The following RBMS3 variants were observed in gnomAD, a reference collection of about 807,000 sequenced individuals.
The protein encoded by RBMS3 is RNA binding motif single stranded interacting protein 3.
In RBMS3, 27 loss-of-function variants were observed where a neutral mutation model predicts 66.8. The ratio of observed to expected loss-of-function variants is 0.40; its 90% CI spans 0.30 to 0.56. The LOEUF is 0.56. Ranked by LOEUF, RBMS3 falls within the 20% of genes least tolerant of loss-of-function variation. The probability of loss-of-function intolerance (pLI) is 0.40; values close to 1 mark genes in which losing one functional copy is unlikely to be tolerated. For missense variants in RBMS3, 513 were observed against 549.5 expected, an observed-to-expected ratio of 0.93 and a Z score of 0.66; for synonymous variants, 188 against 183.0, an observed-to-expected ratio of 1.03 and a Z score of -0.22.
At chr3:29,768,216 T>C (rs2056017380) in intron 6 of RBMS3, among the ~76,000 whole-genome samples, 1 of 151,926 alleles carries the variant, frequency 6.6e-6, no homozygotes, top group Non-Finnish European at 1.5e-5. Flanking sequence ...CTTTAAAATA[T>C]TATTAGTGAA....
intron 3 of RBMS3, among the ~76,000 whole-genome samples, chr3:29,524,948 T>A (rs1197191578): frequency 6.6e-6 from 1 of 151,990 alleles, no homozygotes; most frequent in Non-Finnish European, 1.5e-5. Flanking sequence ...TCCCAGTTGT[T>A]CAGGGGGCTA....
At chr3:29,637,312 A>C (rs1435856545) in intron 4 of RBMS3, among the ~76,000 whole-genome samples, 1 of 151,800 alleles carries the variant, frequency 6.6e-6, no homozygotes, top group African/African-American at 2.4e-5. Context: ...AGAAACTAAA[A>C]ACCATATAGA....
At chr3:29,976,318 T>G (rs887914887) in intron 12 of RBMS3, among the ~76,000 whole-genome samples, 9 of 152,048 alleles carry the variant, frequency 5.9e-5, no homozygotes, top group African/African-American at 1.9e-4. Context: ...TTTAAGTACT[T>G]TCACTCCCAG....
chr3:29,944,504 A>T (rs188995197), intron 12 of RBMS3, among the ~76,000 whole-genome samples: 23 of 151,894 alleles, frequency 1.5e-4, no homozygotes, highest in Admixed American at 1.4e-3. Flanking sequence ...TTATCTGTCA[A>T]GGATACACAG....
intron 4 of RBMS3, among the ~76,000 whole-genome samples, chr3:29,632,315 C>A (rs1440155765): frequency 6.6e-6 from 1 of 151,828 alleles, no homozygotes; most frequent in African/African-American, 2.4e-5. Flanking sequence ...TGCATTAAAT[C>A]TCTTTTGTCA....
At chr3:29,788,013 TTCTC>T (rs1283647505) in intron 6 of RBMS3, among the ~76,000 whole-genome samples, 1 of 152,104 alleles carries the variant, frequency 6.6e-6, no homozygotes. Flanking sequence ...GAAAAATACT[TTCTC>T]TTTCTTTCCT....
chr3:29,398,632 T>A (rs1349304994), intron 1 of RBMS3, among the ~76,000 whole-genome samples: 1 of 152,202 alleles, frequency 6.6e-6, no homozygotes, highest in Non-Finnish European at 1.5e-5. Flanking sequence ...CACGTGGTCA[T>A]TGACCACCAT....
chr3:29,606,323 C>G (rs2048320897), intron 4 of RBMS3, among the ~76,000 whole-genome samples: 1 of 151,936 alleles, frequency 6.6e-6, no homozygotes, highest in Non-Finnish European at 1.5e-5. Flanking sequence ...TGGATCACTA[C>G]TTGGCTTACA....
At chr3:29,718,011 A>G (rs1300722924) in intron 4 of RBMS3, among the ~76,000 whole-genome samples, 2 of 152,178 alleles carry the variant, frequency 1.3e-5, no homozygotes, top group African/African-American at 4.8e-5. Context: ...GAGGACAATC[A>G]TAAATGACAT....
chr3:29,714,948 G>A (rs2053329181), intron 4 of RBMS3, among the ~76,000 whole-genome samples: 1 of 152,076 alleles, frequency 6.6e-6, no homozygotes. Flanking sequence ...TATTTTCCAT[G>A]TCATCAAACA....
intron 3 of RBMS3, among the ~76,000 whole-genome samples, chr3:29,584,037 G>A (rs931580972): frequency 1.3e-5 from 2 of 152,016 alleles, no homozygotes; most frequent in African/African-American, 4.8e-5. Context: ...CTGCAAAGAG[G>A]CCTGTAAATC....
At chr3:29,746,019 A>C (rs2054877676) in intron 5 of RBMS3, among the ~76,000 whole-genome samples, 1 of 152,010 alleles carries the variant, frequency 6.6e-6, no homozygotes, top group African/African-American at 2.4e-5. Context: ...TTAAAATGTT[A>C]TTTATTTACC....
intron 7 of RBMS3, among the ~76,000 whole-genome samples, chr3:29,874,016 G>A (rs1258867081): frequency 1.3e-5 from 2 of 152,080 alleles, no homozygotes; most frequent in African/African-American, 4.8e-5. Context: ...GTGCTTTTGG[G>A]CATTCTTAGA....
intron 12 of RBMS3, among the ~76,000 whole-genome samples, chr3:29,956,662 C>T (rs1007924976): frequency 6.6e-6 from 1 of 152,114 alleles, no homozygotes; most frequent in Non-Finnish European, 1.5e-5. Flanking sequence ...AAAAGTATCT[C>T]TTCCAGAAAG....
chr3:29,434,761 C>T lies in RBMS3; in HGVS notation c.94C>T (p.Pro32Ser), dbSNP rs753335255. The T allele has an allele frequency of 5.0e-6, 8 of 1,613,712 alleles. No homozygotes were observed. Among genetic ancestry groups the T allele is most frequent in the South Asian group, 2.2e-5 (2 of 91,016 alleles). Reference protein sequence around the residue: ...LQTKQSYAPAPHPMAPPSPST... With the variant: ...LQTKQSYAPASHPMAPPSPST... The stretch of plus-strand genomic sequence containing the variant: ...TTTCCAGCAGTCCTATGCACCAGCT[C>T]CCCACCCCATGGCTCCTCCCAGCCC... The change falls in exon 2 of 15, where the codon CCC (proline) becomes TCC (serine). Residue 32 changes from proline to serine, a missense_variant. Transcript: ENST00000383767.
chr3:29,784,807 G>A (rs1383615558), intron 6 of RBMS3, among the ~76,000 whole-genome samples: 1 of 152,004 alleles, frequency 6.6e-6, no homozygotes, highest in Non-Finnish European at 1.5e-5. Context: ...AAGAAAAGAA[G>A]AGAGCAAATC....
At chr3:29,373,651 C>A (rs2038320256) in intron 1 of RBMS3, among the ~76,000 whole-genome samples, 1 of 152,132 alleles carries the variant, frequency 6.6e-6, no homozygotes, top group Non-Finnish European at 1.5e-5. Flanking sequence ...TGAAACCAAG[C>A]AAACAAGTAG....
chr3:29,705,032 C>G (rs777945070), intron 4 of RBMS3, among the ~76,000 whole-genome samples: 2 of 152,180 alleles, frequency 1.3e-5, no homozygotes, highest in Non-Finnish European at 2.9e-5. Flanking sequence ...TTTCTGGAGT[C>G]AGTTCCCTTG....
At chr3:29,756,545 A>C (rs2149373917) in intron 5 of RBMS3, among the ~76,000 whole-genome samples, 1 of 152,130 alleles carries the variant, frequency 6.6e-6, no homozygotes, top group Middle Eastern at 3.4e-3. Context: ...AGACTTACTC[A>C]CTATCATGAG....
Sources: allele counts gnomAD v4.1 joint callset (sites outside exome capture counted in the v4.1 genomes callset), GRCh38; gene constraint gnomAD v4.1.1; transcripts MANE v1.5; gene names NCBI Gene and HGNC (gene_info 2026-07-23, HGNC 2026-07-21).